CHSY3: variants seen among roughly 807,000 people sequenced by gnomAD.
CHSY3 encodes the protein chondroitin sulfate synthase 3.
A neutral mutation model predicts 67.2 loss-of-function variants in CHSY3; 35 were observed. The ratio of observed to expected loss-of-function variants is 0.52; its 90% CI spans 0.40 to 0.69. The LOEUF (loss-of-function observed/expected upper bound fraction) is 0.69, where lower values mean the gene tolerates loss of function less well. CHSY3 is among the 30% of genes least tolerant of loss of function. The pLI is 0.00. For synonymous variants in CHSY3, 474 were observed against 434.7 expected (o/e 1.09, Z -1.12); for missense variants, 1,069 against 1,138.5 (o/e 0.94, Z 0.88).
chr5:129,991,211 G>A (rs528755777), intron 2 of CHSY3, among the ~76,000 whole-genome samples: 9 of 152,172 alleles, frequency 5.9e-5, no homozygotes, highest in Non-Finnish European at 1.2e-4. Context: ...GGCAAGGTGG[G>A]GAATTCATTG....
chr5:129,925,885 GTATATATGTGTGTGTGCATGTATA>G (rs1357374550), intron 2 of CHSY3, among the ~76,000 whole-genome samples: 1 of 112,566 alleles, frequency 8.9e-6, no homozygotes. Flanking sequence ...TAATGTGTGT[GTATATATGTGTGTGTGCATGTATA>G]TATATATGCA....
intron 2 of CHSY3, among the ~76,000 whole-genome samples, chr5:130,053,973 C>G (rs1172444565): frequency 6.6e-6 from 1 of 152,126 alleles, no homozygotes; most frequent in African/African-American, 2.4e-5. Context: ...AATCCAAGAG[C>G]CTAAAACTTT....
At chr5:130,044,313 C>A (rs925336427) in intron 2 of CHSY3, among the ~76,000 whole-genome samples, 8 of 151,962 alleles carry the variant, frequency 5.3e-5, no homozygotes, top group Admixed American at 3.3e-4. Context: ...AGGAGGTCAG[C>A]TGCATCATCT....
intron 2 of CHSY3, among the ~76,000 whole-genome samples, chr5:130,175,342 C>G (rs1470254319): frequency 1.3e-5 from 2 of 152,038 alleles, no homozygotes; most frequent in Non-Finnish European, 2.9e-5. Flanking sequence ...AACCACTGCT[C>G]AAGGAAATAA....
At chr5:129,986,738 G>A (rs1277078336) in intron 2 of CHSY3, among the ~76,000 whole-genome samples, 1 of 152,068 alleles carries the variant, frequency 6.6e-6, no homozygotes, top group Non-Finnish European at 1.5e-5. Context: ...CATCTCCCAG[G>A]TCCAAACAAT....
chr5:129,946,375 G>A (rs2149597961), intron 2 of CHSY3, among the ~76,000 whole-genome samples: 1 of 151,872 alleles, frequency 6.6e-6, no homozygotes, highest in African/African-American at 2.4e-5. Context: ...TCAGATTATA[G>A]TATTAGAAAG....
At chr5:130,006,978 A>G (rs113223221) in intron 2 of CHSY3, among the ~76,000 whole-genome samples, 388 of 152,310 alleles carry the variant, frequency 2.5e-3, no homozygotes, top group Admixed American at 7.7e-3. Flanking sequence ...TTCTGATTTC[A>G]GTTGCTCTGA....
intron 2 of CHSY3, among the ~76,000 whole-genome samples, chr5:130,068,004 C>T (rs1460538242): frequency 1.3e-5 from 2 of 152,158 alleles, no homozygotes; most frequent in South Asian, 2.1e-4. Flanking sequence ...GGGTACTGGA[C>T]TCATAAATGT....
At chr5:130,153,120 A>G (rs141863573) in intron 2 of CHSY3, among the ~76,000 whole-genome samples, 1,868 of 152,202 alleles carry the variant, frequency 0.012, 34 homozygotes, top group African/African-American at 0.041. Context: ...GGTCCTGGCT[A>G]CTTGGGAGGC....
chr5:129,980,314 G>T (rs1347661460), intron 2 of CHSY3, among the ~76,000 whole-genome samples: 2 of 152,148 alleles, frequency 1.3e-5, no homozygotes, highest in African/African-American at 2.4e-5. Flanking sequence ...GTTTTAATTT[G>T]TATTTCCTAA....
At position 130,032,969 on chromosome 5, in the gene CHSY3, G is replaced by A. The variant is rs560235690; in HGVS notation, c.1086+124609G>A. On this transcript the variant is annotated intron_variant, in intron 2 of 2. Transcript: ENST00000305031. Reference sequence around the variant, plus strand: ...CATGTTGTGGGGAAGTGGCCAGTCCGTCATACCAGTCTTGCTCAATCCTGG... The same window carrying A: ...CATGTTGTGGGGAAGTGGCCAGTCCATCATACCAGTCTTGCTCAATCCTGG... 5.9e-5 allele frequency among the ~76,000 whole-genome samples: 9 copies of A among 152,250 alleles called. No individual in the cohort carries two copies. In the South Asian group the frequency reaches 1.0e-3, roughly 18 times the overall value.
At chr5:130,162,434 T>C (rs939118286) in intron 2 of CHSY3, among the ~76,000 whole-genome samples, 2 of 152,226 alleles carry the variant, frequency 1.3e-5, no homozygotes, top group African/African-American at 4.8e-5. Flanking sequence ...AGCTGGTCGA[T>C]GGACTCTCAG....
chr5:130,073,808 T>C (rs1766166480), intron 2 of CHSY3, among the ~76,000 whole-genome samples: 1 of 152,196 alleles, frequency 6.6e-6, no homozygotes, highest in African/African-American at 2.4e-5. Flanking sequence ...TGTTTATTTC[T>C]TATCTGATTT....
intron 2 of CHSY3, among the ~76,000 whole-genome samples, chr5:130,042,092 T>G (rs1239722670): frequency 6.6e-6 from 1 of 151,966 alleles, no homozygotes; most frequent in Non-Finnish European, 1.5e-5. Context: ...GAAAATTAGC[T>G]GGACATGGTG....
chr5:129,904,667 G>A lies in CHSY3; in HGVS notation c.-163G>A, dbSNP rs1237888408. On this transcript the variant is annotated 5_prime_UTR_variant, in exon 1 of 3. Transcript: ENST00000305031. ...CAGGCAGCTGCAGCCCGCGGCAGTC[G>A]AGGCGTCCGCGGCGCTTCGACCTCC... 15 of 1,117,152 alleles carry A rather than the reference G, an allele frequency of 1.3e-5. No individual in the cohort carries two copies. Among genetic ancestry groups the A allele is most frequent in the Non-Finnish European group, 1.7e-5 (15 of 891,148 alleles). The allele number at this position is 1,117,152 out of a possible 1,614,324, so 69.2% of individuals were successfully genotyped here.
intron 2 of CHSY3, among the ~76,000 whole-genome samples, chr5:130,002,697 T>C (rs1246454865): frequency 6.6e-6 from 1 of 152,202 alleles, no homozygotes; most frequent in Non-Finnish European, 1.5e-5. Context: ...GATGTCTATA[T>C]TAATTTGTTC....
intron 2 of CHSY3, among the ~76,000 whole-genome samples, chr5:129,970,527 C>T (rs1386494285): frequency 1.3e-5 from 2 of 151,664 alleles, no homozygotes; most frequent in African/African-American, 4.8e-5. Flanking sequence ...ATAATGCTTA[C>T]ATTTGATCAG....
intron 2 of CHSY3, among the ~76,000 whole-genome samples, chr5:130,121,140 A>G (rs1425202585): frequency 2.0e-5 from 3 of 152,266 alleles, no homozygotes; most frequent in Middle Eastern, 6.8e-3. Context: ...TAATGTGCAT[A>G]TGAGTCAGCT....
intron 2 of CHSY3, among the ~76,000 whole-genome samples, chr5:129,960,743 A>T (rs1762307329): frequency 6.6e-6 from 1 of 152,036 alleles, no homozygotes; most frequent in South Asian, 2.1e-4. Context: ...AATGCATGCC[A>T]TTGTTTAAAA....
Sources: gnomAD v4.1 joint callset for allele counts (sites outside exome capture counted in the v4.1 genomes callset) on GRCh38, gnomAD v4.1.1 for gene constraint, MANE v1.5 for transcripts, NCBI Gene and HGNC (gene_info 2026-07-23, HGNC 2026-07-21) for gene names.